Variants in HYDIN observed in about 807,000 individuals in gnomAD.
HYDIN encodes the protein axonemal central pair apparatus protein HYDIN.
A neutral mutation model predicts 403.9 loss-of-function variants in HYDIN; 132 were observed. The observed-to-expected ratio is 0.33, with a 90% CI of 0.28 to 0.38. The LOEUF (loss-of-function observed/expected upper bound fraction) is 0.38. Among genes scored for constraint, HYDIN ranks in the 10% least tolerant of loss-of-function variants. The pLI is 1.00. For missense variants in HYDIN, 2,827 were observed against 5,009.5 expected (o/e 0.56, Z 13.15); for synonymous variants, 1,202 against 1,891.7 (o/e 0.64, Z 9.46).
At chr16:71,060,337 T>C (rs1167751449) in intron 18 of HYDIN, among the ~76,000 whole-genome samples, 167 bp downstream of exon 18, 3 of 152,216 alleles carry the variant, frequency 2.0e-5, no homozygotes, top group Non-Finnish European at 4.4e-5. Context: ...CATTATTATG[T>C]TAATTTATTA....
At chr16:70,890,795 G>A (rs1188445513) in intron 57 of HYDIN, among the ~76,000 whole-genome samples, 1 of 152,296 alleles carries the variant, frequency 6.6e-6, no homozygotes, top group East Asian at 1.9e-4. Context: ...AGGTAGCTTT[G>A]TGACGGTGTC....
At chr16:71,224,434 T>C (rs1452928813) in intron 1 of HYDIN, among the ~76,000 whole-genome samples, 6 of 152,206 alleles carry the variant, frequency 3.9e-5, no homozygotes, top group Non-Finnish European at 1.5e-5. Context: ...TCAAAAATGA[T>C]TGAAATATAA....
chr16:71,192,672 C>T (rs2087494035), intron 1 of HYDIN, among the ~76,000 whole-genome samples: 1 of 152,128 alleles, frequency 6.6e-6, no homozygotes, highest in African/African-American at 2.4e-5. Flanking sequence ...CAAGGCTGCC[C>T]CTTCCTTATG....
chr16:70,857,153 T>C (rs2143603403), intron 72 of HYDIN, among the ~76,000 whole-genome samples: 1 of 122,758 alleles, frequency 8.1e-6, no homozygotes, highest in Non-Finnish European at 1.7e-5. Context: ...GGTGTATAGT[T>C]TCCTTATGTT....
chr16:71,043,799 A>G (rs1336603145), intron 18 of HYDIN, among the ~76,000 whole-genome samples: 1 of 151,616 alleles, frequency 6.6e-6, no homozygotes, highest in Non-Finnish European at 1.5e-5. Flanking sequence ...TTAAGAGTAA[A>G]GCACTAAGGC....
rs1387554831 is a variant in HYDIN at position 70,871,679 on chromosome 16, G to A, written c.11091+358C>T. Among the ~76,000 whole-genome samples the A allele has an allele frequency of 1.5e-4, 22 of 148,524 alleles. No individual in the cohort carries two copies. The East Asian group carries it at 4.1e-3, about 28-fold the overall frequency. On this transcript the variant is annotated intron_variant, in intron 65 of 85. Coordinates refer to ENST00000393567, the MANE Select transcript of HYDIN (RefSeq NM_001270974.2). ...CCCATCACCCCCATTCTAGCTTTTGGTGAAGCATTTTGAAGGACTGATACT... is the reference window on the plus strand; with the variant it reads ...CCCATCACCCCCATTCTAGCTTTTGATGAAGCATTTTGAAGGACTGATACT...
chr16:70,969,157 C>A (rs369362325), intron 36 of HYDIN, among the ~76,000 whole-genome samples: 4 of 151,576 alleles, frequency 2.6e-5, no homozygotes, highest in Admixed American at 2.6e-4. Context: ...TGTAACAAAA[C>A]AAAATATGAG....
At chr16:71,089,736 G>A (rs2083052966) in intron 11 of HYDIN, among the ~76,000 whole-genome samples, 1 of 152,232 alleles carries the variant, frequency 6.6e-6, no homozygotes, top group Non-Finnish European at 1.5e-5. Context: ...TGGGTGTACA[G>A]GAAATAGTGG....
intron 19 of HYDIN, among the ~76,000 whole-genome samples, chr16:71,029,643 G>C (rs896962036): frequency 7.7e-6 from 1 of 130,212 alleles, no homozygotes; most frequent in Non-Finnish European, 1.6e-5. Context: ...CAGGCAGAGA[G>C]GACAATTCTT....
At chr16:70,887,926 G>A (rs1427921623) in intron 58 of HYDIN, among the ~76,000 whole-genome samples, 1 of 152,084 alleles carries the variant, frequency 6.6e-6, no homozygotes, top group South Asian at 2.1e-4. Context: ...CTCGTGATCC[G>A]CTTGCCTCGG....
chr16:71,229,341 A>T (rs2041180183), intron 1 of HYDIN, among the ~76,000 whole-genome samples: 1 of 152,222 alleles, frequency 6.6e-6, no homozygotes, highest in African/African-American at 2.4e-5. Flanking sequence ...ATCACCTGCT[A>T]ACAAGGTTGC....
In HYDIN at chr16:70,884,663, T is replaced by G. The variant is rs560527591; in HGVS notation, c.9775-539A>C. 2.4e-3 allele frequency among the ~76,000 whole-genome samples: 357 copies of G among 150,944 alleles called. 2 individuals carry two copies. Among genetic ancestry groups the G allele is most frequent in the Non-Finnish European group, 4.1e-3 (280 of 67,756 alleles). On this transcript the variant is annotated intron_variant, in intron 58 of 85. Coordinates refer to ENST00000393567, the MANE Select transcript of HYDIN (RefSeq NM_001270974.2). Reference sequence around the variant, plus strand: ...GGTGTGAAGCATGTAGCATAGCATCTGGTATGGAATTAGTGCTAAAACAAA... The same window carrying G: ...GGTGTGAAGCATGTAGCATAGCATCGGGTATGGAATTAGTGCTAAAACAAA...
intron 21 of HYDIN, among the ~76,000 whole-genome samples, chr16:71,020,901 C>A (rs1246750547): frequency 6.7e-6 from 1 of 150,222 alleles, no homozygotes; most frequent in Non-Finnish European, 1.5e-5. Flanking sequence ...GATTTTTTTA[C>A]CCCCTTGGTG....
intron 13 of HYDIN, among the ~76,000 whole-genome samples, chr16:71,077,278 CTCTT>C (rs1238314559): frequency 1.3e-5 from 2 of 151,588 alleles, no homozygotes; most frequent in Non-Finnish European, 2.9e-5. Flanking sequence ...AATTTATTGG[CTCTT>C]TCTGTGAATT....
intron 5 of HYDIN, among the ~76,000 whole-genome samples, chr16:71,170,405 G>A (rs2086414807): frequency 6.6e-6 from 1 of 152,090 alleles, no homozygotes; most frequent in Non-Finnish European, 1.5e-5. Flanking sequence ...GCACTAGGAA[G>A]TACCACATCA....
At chr16:70,923,122 T>C (rs2077046087) in intron 45 of HYDIN, among the ~76,000 whole-genome samples, 1 of 149,724 alleles carries the variant, frequency 6.7e-6, no homozygotes, top group African/African-American at 2.4e-5. Context: ...ATTAATAAGA[T>C]AAGCATCACT....
At position 70,828,793 on chromosome 16, in the gene HYDIN, T is replaced by C. The variant is rs184833409; in HGVS notation, c.14113-364A>G. 8.4e-4 allele frequency among the ~76,000 whole-genome samples: 128 copies of C among 152,288 alleles called. 1 individual carries two copies. The highest frequency in any genetic ancestry group is 3.0e-3 in the African/African-American group (124 of 41,548). ...AATATTGGGCAGTTATTAAAAATAATTATCATAAAGACCGCATAGTTAAAT... is the reference window on the plus strand; with the variant it reads ...AATATTGGGCAGTTATTAAAAATAACTATCATAAAGACCGCATAGTTAAAT... On this transcript the variant is annotated intron_variant, in intron 81 of 85. Transcript: ENST00000393567.
chr16:71,194,856 G>A (rs1347043372), intron 1 of HYDIN, among the ~76,000 whole-genome samples: 1 of 152,150 alleles, frequency 6.6e-6, no homozygotes, highest in Non-Finnish European at 1.5e-5. Flanking sequence ...TCTGACTGTT[G>A]GTGGAAGGAC....
In HYDIN at chr16:70,832,821, G is replaced by A. The variant is rs1448869447; in HGVS notation, c.13899+27C>T. Reference sequence around the variant, plus strand: ...ACTTGCTGGGGTCACTCCTGCCACTGGGCCACCCCGGGCAGCAGCTACTAA... The same window carrying A: ...ACTTGCTGGGGTCACTCCTGCCACTAGGCCACCCCGGGCAGCAGCTACTAA... On this transcript the variant is annotated intron_variant, in intron 80 of 85. Transcript: ENST00000393567. 5 of 1,588,844 alleles carry A rather than the reference G, an allele frequency of 3.1e-6. No individual in the cohort carries two copies. In the African/African-American group the frequency reaches 5.5e-5, roughly 17 times the overall value.
Sources: gnomAD v4.1 joint callset for allele counts (sites outside exome capture counted in the v4.1 genomes callset) on GRCh38, gnomAD v4.1.1 for gene constraint, MANE v1.5 for transcripts, NCBI Gene and HGNC (gene_info 2026-07-23, HGNC 2026-07-21) for gene names.